The following HTR3B variants were observed in gnomAD, a reference collection of about 807,000 sequenced individuals.
The protein encoded by HTR3B is 5-hydroxytryptamine (serotonin) receptor 3B, ionotropic.
A neutral mutation model predicts 42.8 loss-of-function variants in HTR3B; 44 were observed. That is an observed-to-expected ratio of 1.03 (90% CI 0.81 to 1.32). HTR3B has a LOEUF of 1.32. Among genes scored for constraint, HTR3B ranks in the 40% most tolerant of loss-of-function variants. The pLI is 0.00. For synonymous variants in HTR3B, 203 were observed against 209.0 expected (o/e 0.97, Z 0.25); for missense variants, 527 against 536.5 (o/e 0.98, Z 0.17).
At chr11:113,909,175 AT>A (rs1949758124) in intron 1 of HTR3B, 119 bp from the exon 2 acceptor site, 5 of 770,468 alleles carry the variant, frequency 6.5e-6, no homozygotes, top group Non-Finnish European at 8.8e-6. Context: ...ATTGATGCAG[AT>A]TTTGGTGAGC....
At chr11:113,902,715 CTAA>C (rs1949704120), upstream of HTR3B, among the ~76,000 whole-genome samples, 2 of 152,256 alleles carry the variant, frequency 1.3e-5, no homozygotes, top group Admixed American at 6.5e-5. Flanking sequence ...TTACTACCAT[CTAA>C]TCCACATACC....
intron 6 of HTR3B, among the ~76,000 whole-genome samples, chr11:113,938,959 T>C (rs1045915145): frequency 1.3e-4 from 20 of 152,130 alleles, no homozygotes; most frequent in African/African-American, 4.3e-4. Context: ...TGCGTCATTG[T>C]ACTCCAGTCT....
At chr11:113,932,231 T>C (rs1950042667) in intron 4 of HTR3B, 58 bp from the exon 5 acceptor site, 2 of 1,398,358 alleles carry the variant, frequency 1.4e-6, no homozygotes, top group African/African-American at 1.4e-5. Context: ...AATCAGCCTA[T>C]GTTTTGAAAT....
Position 113,946,304 on chromosome 11 carries a change from C to T in HTR3B, c.*167C>T, listed in dbSNP as rs1335845362. The stretch of plus-strand genomic sequence containing the variant: ...TTGCTTGAGCCCAGGAGTTCGAGAC[C>T]AGCCAGAGCAACATAGTGAGACCAC... On this transcript the variant is annotated 3_prime_UTR_variant, in exon 9 of 9. Coordinates refer to ENST00000260191, the MANE Select transcript of HTR3B (RefSeq NM_006028.5). 6.7e-6 allele frequency: 4 copies of T among 596,962 alleles called. No individual in the cohort carries two copies. The highest frequency in any genetic ancestry group is 1.2e-5 in the Non-Finnish European group (4 of 333,324). The allele number at this position is 596,962 out of a possible 1,614,324, so 37.0% of individuals were successfully genotyped here. A position where few individuals can be genotyped will look rare whatever the true frequency, so the allele number is the denominator to read the frequency against.
At chr11:113,905,014 A>C (rs1254283842) in intron 1 of HTR3B, 29 bp downstream of exon 1, 3 of 1,489,438 alleles carry the variant, frequency 2.0e-6, no homozygotes, top group African/African-American at 2.8e-5. Flanking sequence ...TTTACTAGGC[A>C]TTAAGGATTA....
At chr11:113,924,951 C>T (rs1270433590) in intron 2 of HTR3B, among the ~76,000 whole-genome samples, 2 of 152,116 alleles carry the variant, frequency 1.3e-5, no homozygotes, top group African/African-American at 4.8e-5. Flanking sequence ...TTCTCTTTCT[C>T]AAAGAGAAAA....
chr11:113,931,571 A>G, intron 3 of HTR3B, 143 bp downstream of exon 3: 1 of 692,430 alleles, frequency 1.4e-6, no homozygotes. Flanking sequence ...TAATTCATTT[A>G]AGATGTATGG....
At chr11:113,923,818 G>T (rs539881253) in intron 2 of HTR3B, among the ~76,000 whole-genome samples, 2 of 152,294 alleles carry the variant, frequency 1.3e-5, no homozygotes, top group East Asian at 1.9e-4. Context: ...GACAAAAAAA[G>T]ATTTTAGTTT....
chr11:113,944,520 T>C, intron 7 of HTR3B, 53 bp from the exon 8 acceptor site: 1 of 1,576,162 alleles, frequency 6.3e-7, no homozygotes, highest in Non-Finnish European at 8.7e-7. Flanking sequence ...CAAAAAAATC[T>C]GATGCTGCAT....
chr11:113,940,979 C>T (rs1357891513), intron 6 of HTR3B, among the ~76,000 whole-genome samples: 2 of 152,236 alleles, frequency 1.3e-5, no homozygotes, highest in Non-Finnish European at 2.9e-5. Flanking sequence ...TGTGGGGGCA[C>T]ATCCCAGCTC....
At position 113,943,097 on chromosome 11, in the gene HTR3B, T is replaced by G. The variant is rs145278314; in HGVS notation, c.812T>G (p.Ile271Ser). 924 of 1,614,048 alleles carry G rather than the reference T, an allele frequency of 5.7e-4. 6 individuals are homozygous for G. In the African/African-American group the frequency reaches 9.8e-3, roughly 17 times the overall value. Residue 271 changes from isoleucine (I) to serine (S), a missense_variant, in exon 7 of 9, where the codon ATT becomes AGT. Physicochemically the swap from Ile to Ser is moderately radical, Grantham distance 142. Transcript: ENST00000260191. ...CTGCCACCCAACTGCCGAGCCAGGA[T>G]TGTGTTCAAGACCAGTGTGCTGGTG... ...FYLPPNCRAR[I>S]VFKTSVLVGY...
chr11:113,939,646 G>A (rs931466199), intron 6 of HTR3B, among the ~76,000 whole-genome samples: 2 of 152,154 alleles, frequency 1.3e-5, no homozygotes, highest in African/African-American at 4.8e-5. Flanking sequence ...ATTTGCTGTC[G>A]TGTCAGCCTC....
chr11:113,909,013 C>A, intron 1 of HTR3B: 1 of 534,430 alleles, frequency 1.9e-6, no homozygotes, highest in Non-Finnish European at 3.3e-6. Context: ...CTCCAAAATG[C>A]AAGATTGTTG....
Position 113,946,014 on chromosome 11 carries a change from G to T in HTR3B, c.1203G>T (p.Gln401His), listed in dbSNP as rs867601895. Residue 401 changes from glutamine to histidine, a missense_variant, in exon 9 of 9, where the codon CAG (glutamine) becomes CAT (histidine). Physicochemically the swap from Gln to His is conservative, Grantham distance 24. Transcript: ENST00000260191. ...AAACTCAGGACCAGACAGACCAACA[G>T]GAGGCAGAGTGGCTGGTCCTCCTGT... is the stretch of plus-strand genomic sequence containing the variant. Reference protein sequence around the residue: ...YLQTQDQTDQQEAEWLVLLSR... With the variant: ...YLQTQDQTDQHEAEWLVLLSR... 1 of 1,614,050 alleles carries T rather than the reference G, an allele frequency of 6.2e-7. No individual in the cohort carries two copies. The highest frequency in any genetic ancestry group is 1.1e-5 in the South Asian group (1 of 91,076).
chr11:113,931,830 A>C lies in HTR3B; in HGVS notation c.331A>C (p.Ser111Arg), dbSNP rs774557988. 4 of 1,610,608 alleles carry C rather than the reference A, an allele frequency of 2.5e-6. No homozygotes were observed. Among genetic ancestry groups the C allele is most frequent in the Non-Finnish European group, 1.7e-6 (2 of 1,176,756 alleles). ...GATTAGAGAGATCTCCCTACCTCTA[A>C]GTGCCATCTGGGCCCCCGATATCAT... is the stretch of plus-strand genomic sequence containing the variant. ...DEIREISLPLSAIWAPDIIIN... is the reference protein window; with the variant it reads ...DEIREISLPLRAIWAPDIIIN... The change falls in exon 4 of 9, where the codon AGT (serine) becomes CGT (arginine). Residue 111 changes from serine (S) to arginine (R), a missense_variant. Ser to Arg is a moderately radical substitution (Grantham distance 110, BLOSUM62 -1). Coordinates refer to ENST00000260191, the MANE Select transcript of HTR3B (RefSeq NM_006028.5).
At chr11:113,909,714 G>A (rs1209129573) in intron 2 of HTR3B, among the ~76,000 whole-genome samples, 1 of 152,148 alleles carries the variant, frequency 6.6e-6, no homozygotes, top group African/African-American at 2.4e-5. Context: ...TGGGTGTGGT[G>A]GCTCATGCCT....
chr11:113,921,070 C>T (rs1350166802), intron 2 of HTR3B, among the ~76,000 whole-genome samples: 1 of 151,914 alleles, frequency 6.6e-6, no homozygotes, highest in East Asian at 1.9e-4. Context: ...ACCTCAGCCT[C>T]CCAGAGTGGT....
chr11:113,919,146 C>A (rs1399527148), intron 2 of HTR3B, among the ~76,000 whole-genome samples: 2 of 151,910 alleles, frequency 1.3e-5, no homozygotes, highest in Non-Finnish European at 2.9e-5. Context: ...AGCTTTTTAG[C>A]GATCCATCTT....
chr11:113,921,000 A>T (rs1156306069), intron 2 of HTR3B, among the ~76,000 whole-genome samples: 2 of 150,382 alleles, frequency 1.3e-5, no homozygotes, highest in Non-Finnish European at 3.0e-5. Flanking sequence ...TTTAGTAGAG[A>T]TGGGGTTTCA....
Sources: gnomAD v4.1 joint callset for allele counts (sites outside exome capture counted in the v4.1 genomes callset) on GRCh38, gnomAD v4.1.1 for gene constraint, MANE v1.5 for transcripts, NCBI Gene and HGNC (gene_info 2026-07-23, HGNC 2026-07-21) for gene names.